Variants in SAXO5 observed in about 807,000 individuals in gnomAD.
SAXO5 encodes stabilizer of axonemal microtubules 5, also known as testis expressed 45.
the SAXO5 span, chr19:7,500,857 C>T: frequency 1.3e-5 from 20 of 1,543,086 alleles, no homozygotes; most frequent in East Asian, 2.6e-5. Flanking sequence ...TGCTCGCGCC[C>T]GTGCCCGATG....
the SAXO5 span, chr19:7,506,937 TG>T: frequency 1.4e-6 from 1 of 739,342 alleles, no homozygotes; most frequent in Non-Finnish European, 2.3e-6. Context: ...TTTTCTCCCC[TG>T]GTCAACTTCA....
At chr19:7,505,297 C>T in the SAXO5 span, 1 of 1,609,100 alleles carries the variant, frequency 6.2e-7, no homozygotes, top group Non-Finnish European at 8.5e-7. Context: ...TTACCTTATT[C>T]TTGATGGAAT....
chr19:7,507,257 G>T, the SAXO5 span: 1 of 896,906 alleles, frequency 1.1e-6, no homozygotes, highest in South Asian at 1.5e-5. Context: ...CCCAGGCTCG[G>T]GGGCATCTTA....
At chr19:7,504,084 C>CTCTCTCTCTCTT in the SAXO5 span, 1 of 1,444,886 alleles carries the variant, frequency 6.9e-7, no homozygotes, top group Non-Finnish European at 9.7e-7. Flanking sequence ...ATCTCAATCT[C>CTCTCTCTCTCTT]TCTCTCTCTC....
chr19:7,499,459 TA>T, the SAXO5 span, among the ~76,000 whole-genome samples: 1 of 151,710 alleles, frequency 6.6e-6, no homozygotes, highest in Non-Finnish European at 1.5e-5. Context: ...GGGCTGGAGT[TA>T]GGCAGAGGAA....
At chr19:7,508,274 GTTTCC>G in the SAXO5 span, 50 of 1,613,984 alleles carry the variant, frequency 3.1e-5, no homozygotes, top group Non-Finnish European at 4.0e-5. Context: ...ACAAGGACGA[GTTTCC>G]TTTCAAGTAC....
chr19:7,500,286 T>G, the SAXO5 span, among the ~76,000 whole-genome samples: 1 of 151,850 alleles, frequency 6.6e-6, no homozygotes, highest in East Asian at 2.0e-4. Context: ...AGGCCTACAG[T>G]AGGCACCACA....
the SAXO5 span, chr19:7,506,794 C>A: frequency 4.6e-6 from 2 of 431,298 alleles, no homozygotes; most frequent in Non-Finnish European, 4.3e-6. Flanking sequence ...CTGGCTCCTT[C>A]CTCCTCCCCC....
At chr19:7,504,321 G>C in the SAXO5 span, 1 of 1,614,242 alleles carries the variant, frequency 6.2e-7, no homozygotes. Flanking sequence ...GCCTCCTCCG[G>C]AGTGGAGCTG....
the SAXO5 span, chr19:7,506,974 A>T: frequency 8.6e-7 from 1 of 1,168,974 alleles, no homozygotes; most frequent in South Asian, 1.3e-5. Context: ...TGGCTCTTGA[A>T]CCCTTCCCTT....
chr19:7,506,603 C>T, the SAXO5 span: 118,979 of 327,828 alleles, frequency 0.36, 22,211 homozygotes, highest in African/African-American at 0.47. Context: ...TCATCTGGCC[C>T]GGCCCCGCCC....
chr19:7,504,140 G>T, the SAXO5 span: 32 of 1,613,504 alleles, frequency 2.0e-5, no homozygotes, highest in South Asian at 3.5e-4. Flanking sequence ...ACACCCTCAA[G>T]TGGGACTACA....
the SAXO5 span, chr19:7,504,134 C>A: frequency 1.9e-6 from 3 of 1,613,472 alleles, no homozygotes; most frequent in Admixed American, 5.0e-5. Context: ...GCCCCAACAC[C>A]CTCAAGTGGG....
the SAXO5 span, chr19:7,508,274 G>A: frequency 2.5e-6 from 4 of 1,614,102 alleles, no homozygotes; most frequent in Admixed American, 1.7e-5. Flanking sequence ...ACAAGGACGA[G>A]TTTCCTTTCA....
chr19:7,505,587 C>A, the SAXO5 span: 1 of 1,614,062 alleles, frequency 6.2e-7, no homozygotes, highest in African/African-American at 1.3e-5. Flanking sequence ...GCCCCGGCCC[C>A]GGCAGTCTGG....
the SAXO5 span, chr19:7,505,868 G>A: frequency 8.0e-7 from 1 of 1,250,036 alleles, no homozygotes. Context: ...GGGTGAGGGA[G>A]CTGTCCAAGG....
chr19:7,505,385 C>T, the SAXO5 span: 4 of 1,614,252 alleles, frequency 2.5e-6, no homozygotes, highest in Admixed American at 3.3e-5. Context: ...TGGTGACGGC[C>T]TCTTCCGCGA....
At chr19:7,506,933 C>T in the SAXO5 span, 4 of 722,422 alleles carry the variant, frequency 5.5e-6, no homozygotes, top group East Asian at 5.4e-5. Flanking sequence ...CCATTTTTCT[C>T]CCCTGGTCAA....
the SAXO5 span, among the ~76,000 whole-genome samples, chr19:7,498,180 C>CACACACAT: frequency 2.3e-4 from 34 of 147,646 alleles, no homozygotes; most frequent in African/African-American, 7.6e-4. Context: ...TACACACACA[C>CACACACAT]ACACACACAC....
Sources: allele counts gnomAD v4.1 joint callset (sites outside exome capture counted in the v4.1 genomes callset), GRCh38; gene constraint gnomAD v4.1.1; transcripts MANE v1.5; gene names NCBI Gene and HGNC (gene_info 2026-07-23, HGNC 2026-07-21).